The following RBFOX1 variants were observed in gnomAD, a reference collection of about 807,000 sequenced individuals.
RBFOX1 encodes RNA binding fox-1 homolog 1, also known as RNA binding protein fox-1 homolog 1.
RBFOX1 carries 8 observed loss-of-function variants against 57.7 expected under a neutral mutation model. The ratio of observed to expected loss-of-function variants is 0.14; its 90% CI spans 0.08 to 0.25. The LOEUF (loss-of-function observed/expected upper bound fraction) is 0.25. Ranked by LOEUF, RBFOX1 falls within the 10% of genes least tolerant of loss-of-function variation. The pLI, the probability that RBFOX1 is intolerant of heterozygous loss-of-function variation, is 1.00. For synonymous variants in RBFOX1, 326 were observed against 222.4 expected (o/e 1.47, Z -4.15); for missense variants, 611 against 548.5 (o/e 1.11, Z -1.14).
chr16:6,193,393 T>TATATATA (rs1491477565), intron 1 of RBFOX1, among the ~76,000 whole-genome samples: 1 of 1,448 alleles, frequency 6.9e-4, no homozygotes, highest in Non-Finnish European at 1.7e-3. Flanking sequence ...ATATATATAC[T>TATATATA]ATATATATAT....
intron 3 of RBFOX1, among the ~76,000 whole-genome samples, chr16:6,858,171 A>G (rs544677071): frequency 8.6e-4 from 131 of 152,318 alleles, no homozygotes; most frequent in Non-Finnish European, 1.6e-3. Context: ...GAAGGAAGAA[A>G]TAGCTCACTC....
At chr16:6,401,764 C>T (rs2093078465) in intron 2 of RBFOX1, among the ~76,000 whole-genome samples, 1 of 151,816 alleles carries the variant, frequency 6.6e-6, no homozygotes, top group Non-Finnish European at 1.5e-5. Flanking sequence ...TCATGGAAAA[C>T]ATTAAATGAT....
At chr16:5,939,040 A>G (rs2059227318) in intron 4 of RBFOX1, among the ~76,000 whole-genome samples, 1 of 152,122 alleles carries the variant, frequency 6.6e-6, no homozygotes, top group African/African-American at 2.4e-5. Flanking sequence ...GGAATTGAAC[A>G]ATGAGAACAC....
chr16:6,143,770 A>T, intron 1 of RBFOX1, among the ~76,000 whole-genome samples: 1 of 151,820 alleles, frequency 6.6e-6, no homozygotes, highest in East Asian at 1.9e-4. Flanking sequence ...TGTGCACCTG[A>T]TACTTTTGCT....
At chr16:7,029,335 G>A (rs115501352) in intron 3 of RBFOX1, among the ~76,000 whole-genome samples, 38 of 144,268 alleles carry the variant, frequency 2.6e-4, no homozygotes, top group African/African-American at 9.9e-4. Context: ...AGAAGAGCCA[G>A]AAGAGATTGG....
At chr16:5,772,331 C>T (rs575429579) in intron 3 of RBFOX1, among the ~76,000 whole-genome samples, 1 of 151,268 alleles carries the variant, frequency 6.6e-6, no homozygotes, top group East Asian at 1.9e-4. Context: ...GCCGCCTCTC[C>T]TAACATCTTC....
chr16:7,386,548 C>T (rs1014225743), intron 4 of RBFOX1, among the ~76,000 whole-genome samples: 2 of 151,830 alleles, frequency 1.3e-5, no homozygotes, highest in Admixed American at 1.3e-4. Flanking sequence ...CTGCAAAGGA[C>T]ATGATCTCAT....
At chr16:7,158,405 T>A (rs1477142560) in intron 4 of RBFOX1, among the ~76,000 whole-genome samples, 2 of 152,192 alleles carry the variant, frequency 1.3e-5, no homozygotes, top group Non-Finnish European at 2.9e-5. Flanking sequence ...ATCTTACTGA[T>A]GTAGAAAGAT....
At chr16:7,036,951 T>C (rs2044657613) in intron 3 of RBFOX1, among the ~76,000 whole-genome samples, 2 of 152,170 alleles carry the variant, frequency 1.3e-5, no homozygotes, top group African/African-American at 4.8e-5. Flanking sequence ...AGATTATTCA[T>C]GCTTCCCCTT....
rs78840829 is a variant in RBFOX1, at chr16:6,448,756, T to A, written c.-64+131699T>A. On this transcript the variant is annotated intron_variant, in intron 2 of 15. Coordinates refer to ENST00000550418, the MANE Select transcript of RBFOX1 (RefSeq NM_018723.4). Reference sequence around the variant, plus strand: ...GAAAGTATATGTGCTTCAGTTGTATTCATCCTGCAGTATTTTTTTGTGCCT... The same window carrying A: ...GAAAGTATATGTGCTTCAGTTGTATACATCCTGCAGTATTTTTTTGTGCCT... Among the ~76,000 whole-genome samples, 805 of 152,304 alleles carry A rather than the reference T, an allele frequency of 5.3e-3. 25 individuals carry two copies. In the East Asian group the frequency reaches 0.11, roughly 21 times the overall value.
rs544313683 is a variant in RBFOX1, at chr16:6,429,603, C to T, written c.-64+112546C>T. 1.5e-4 allele frequency among the ~76,000 whole-genome samples: 23 copies of T among 152,250 alleles called. No homozygotes were observed. In the South Asian group the frequency reaches 4.8e-3, roughly 32 times the overall value. On this transcript the variant is annotated intron_variant, in intron 2 of 15. Coordinates refer to ENST00000550418, the MANE Select transcript of RBFOX1 (RefSeq NM_018723.4). ...AAATCTCATTTTGAAATGTAATAATCCCCATGTGTCAAGGGTGGGGCCAGG... is the reference window on the plus strand; with the variant it reads ...AAATCTCATTTTGAAATGTAATAATTCCCATGTGTCAAGGGTGGGGCCAGG...
chr16:6,825,876 G>A (rs542623081), intron 3 of RBFOX1, among the ~76,000 whole-genome samples: 1 of 152,334 alleles, frequency 6.6e-6, no homozygotes, highest in East Asian at 1.9e-4. Flanking sequence ...GGAGCCTTCT[G>A]ATGTAGGTGG....
chr16:6,748,386 C>T (rs550221229), intron 3 of RBFOX1, among the ~76,000 whole-genome samples: 1 of 152,204 alleles, frequency 6.6e-6, no homozygotes, highest in Middle Eastern at 3.4e-3. Context: ...TTGGGGTGGG[C>T]ACTGTGGCTC....
chr16:5,907,845 G>C (rs2058499926), intron 4 of RBFOX1, among the ~76,000 whole-genome samples: 1 of 151,706 alleles, frequency 6.6e-6, no homozygotes, highest in African/African-American at 2.4e-5. Flanking sequence ...CTGCCTCCCA[G>C]GTTCAAGCAA....
At chr16:5,436,324 T>C (rs1311345473) in intron 1 of RBFOX1, among the ~76,000 whole-genome samples, 1 of 152,150 alleles carries the variant, frequency 6.6e-6, no homozygotes, top group African/African-American at 2.4e-5. Context: ...GGGCACTGGT[T>C]TTGGTGGATT....
At chr16:6,480,344 C>T (rs1451769376) in intron 2 of RBFOX1, among the ~76,000 whole-genome samples, 5 of 152,124 alleles carry the variant, frequency 3.3e-5, no homozygotes, top group South Asian at 2.1e-4. Context: ...CTTCCTGGGC[C>T]ACTTGGTCTC....
chr16:6,485,542 CT>C (rs959324302), intron 2 of RBFOX1, among the ~76,000 whole-genome samples: 4 of 103,326 alleles, frequency 3.9e-5, no homozygotes, highest in African/African-American at 1.4e-4. Context: ...GCCTGTTTTT[CT>C]TTCTTTCTTT....
intron 3 of RBFOX1, among the ~76,000 whole-genome samples, chr16:5,829,658 C>G (rs1291096149): frequency 6.6e-6 from 1 of 151,590 alleles, no homozygotes; most frequent in African/African-American, 2.4e-5. Context: ...CTGTGTAGAT[C>G]TGCTGTCCAT....
chr16:6,117,745 G>A (rs936910997), intron 1 of RBFOX1, among the ~76,000 whole-genome samples: 1 of 152,214 alleles, frequency 6.6e-6, no homozygotes, highest in Non-Finnish European at 1.5e-5. Flanking sequence ...CAGTTATTTT[G>A]TTATAGCTGC....
Sources: gnomAD v4.1 joint callset for allele counts (sites outside exome capture counted in the v4.1 genomes callset) on GRCh38, gnomAD v4.1.1 for gene constraint, MANE v1.5 for transcripts, NCBI Gene and HGNC (gene_info 2026-07-23, HGNC 2026-07-21) for gene names.